Variants in MAD1L1 observed in about 807,000 individuals in gnomAD.
The protein encoded by MAD1L1 is mitotic spindle assembly checkpoint protein MAD1.
Under a neutral mutation model 96.9 loss-of-function variants are expected in MAD1L1, and 95 were observed. The ratio of observed to expected loss-of-function variants is 0.98; its 90% CI spans 0.83 to 1.16. The LOEUF (loss-of-function observed/expected upper bound fraction) is 1.16. Ranked by LOEUF, MAD1L1 falls within the 50% of genes most tolerant of loss-of-function variation. The pLI is 0.00. For missense variants in MAD1L1, 1,007 were observed against 954.4 expected (o/e 1.06, Z -0.73); for synonymous variants, 473 against 396.6 (o/e 1.19, Z -2.29).
chr7:1,902,595 G>A (rs911040192), intron 17 of MAD1L1, among the ~76,000 whole-genome samples: 5 of 152,250 alleles, frequency 3.3e-5, no homozygotes, highest in African/African-American at 1.2e-4. Context: ...GGCACTGCCT[G>A]TCCACTTCCG....
chr7:2,021,980 G>A (rs1029798329), intron 12 of MAD1L1, among the ~76,000 whole-genome samples: 6 of 151,666 alleles, frequency 4.0e-5, no homozygotes, highest in Non-Finnish European at 8.8e-5. Context: ...TTTCGAGACA[G>A]AGTCTCACTC....
intron 10 of MAD1L1, chr7:2,209,883 C>A (rs1196012050): frequency 6.6e-6 from 1 of 152,418 alleles, no homozygotes; most frequent in East Asian, 1.9e-4. Context: ...ACGCATGTCT[C>A]CACACAAGAA....
At chr7:2,165,312 G>T (rs1489215838) in intron 10 of MAD1L1, among the ~76,000 whole-genome samples, 1 of 152,244 alleles carries the variant, frequency 6.6e-6, no homozygotes, top group Non-Finnish European at 1.5e-5. Context: ...GGACTGGGGG[G>T]ACCCCGGGAA....
intron 17 of MAD1L1, among the ~76,000 whole-genome samples, chr7:1,931,056 C>A (rs554956897): frequency 1.3e-4 from 18 of 140,244 alleles, no homozygotes; most frequent in African/African-American, 4.6e-4. Flanking sequence ...CACGGGAACA[C>A]CCCCAACTCC....
At chr7:2,144,541 G>T (rs1361323671) in intron 11 of MAD1L1, among the ~76,000 whole-genome samples, 1 of 152,152 alleles carries the variant, frequency 6.6e-6, no homozygotes, top group Admixed American at 6.5e-5. Context: ...TTCCCCCCCA[G>T]ATCTGAAAGA....
At chr7:1,932,685 G>C (rs1789550298) in intron 17 of MAD1L1, among the ~76,000 whole-genome samples, 1 of 152,238 alleles carries the variant, frequency 6.6e-6, no homozygotes, top group South Asian at 2.1e-4. Flanking sequence ...ACACTGTGCG[G>C]GTCTATCCCC....
intron 15 of MAD1L1, among the ~76,000 whole-genome samples, chr7:1,966,883 C>T (rs540342903): frequency 2.0e-5 from 3 of 152,352 alleles, no homozygotes; most frequent in South Asian, 2.1e-4. Context: ...GGAATAAAGA[C>T]GGACCCACCC....
Position 2,151,381 on chromosome 7 carries a change from C to A in MAD1L1, c.987-2143G>T, listed in dbSNP as rs79107267. Among the ~76,000 whole-genome samples the A allele has an allele frequency of 9.5e-3, 1,444 of 152,328 alleles. 24 individuals carry two copies. The highest frequency in any genetic ancestry group is 0.033 in the African/African-American group (1,367 of 41,568). On this transcript the variant is annotated intron_variant, in intron 10 of 18. Transcript: ENST00000265854. ...TCCACCTACACAGCCAAGACCACCC[C>A]GCCTCACACCCCTCAGGGACCTCAC...
rs1333554187 is a variant in MAD1L1, at chr7:2,142,529, T to TA, written c.1073+6622dup. 1.3e-5 allele frequency among the ~76,000 whole-genome samples: 2 copies of TA among 152,192 alleles called. No individual in the cohort carries two copies. The highest frequency in any genetic ancestry group is 2.4e-5 in the African/African-American group (1 of 41,440). On this transcript the variant is annotated intron_variant, in intron 11 of 18. Transcript: ENST00000265854. This position sits in a 1 kb window ranked among gnomAD's most constrained non-coding sequence, Gnocchi z 4.7. ...TCTCTGCTGCCGGACGGAGCGCCCCTAGCTGCCACTGAGCCCACGGTGAAG... is the reference window on the plus strand; with the variant it reads ...TCTCTGCTGCCGGACGGAGCGCCCCTAAGCTGCCACTGAGCCCACGGTGAAG...
chr7:2,046,954 C>A (rs576314731), intron 12 of MAD1L1, among the ~76,000 whole-genome samples: 68 of 152,352 alleles, frequency 4.5e-4, no homozygotes, highest in African/African-American at 1.2e-3. Flanking sequence ...GCTGAGCGCA[C>A]CCACTCACAG....
chr7:1,928,747 G>C (rs1366609319), intron 17 of MAD1L1, among the ~76,000 whole-genome samples: 1 of 152,228 alleles, frequency 6.6e-6, no homozygotes, highest in Non-Finnish European at 1.5e-5. Context: ...GGTGGCACGG[G>C]GTGGGGGCAT....
At chr7:2,062,339 G>A (rs1354890567) in intron 12 of MAD1L1, among the ~76,000 whole-genome samples, 2 of 151,808 alleles carry the variant, frequency 1.3e-5, no homozygotes, top group Non-Finnish European at 2.9e-5. Flanking sequence ...GGGATTGGGA[G>A]GCCGAAGTAG....
At chr7:2,209,354 A>T (rs1461177563) in intron 10 of MAD1L1, among the ~76,000 whole-genome samples, 1 of 152,202 alleles carries the variant, frequency 6.6e-6, no homozygotes, top group Non-Finnish European at 1.5e-5. Flanking sequence ...GCAGGACGTC[A>T]GCACCCTGTC....
At position 2,123,882 on chromosome 7, in the gene MAD1L1, G is replaced by A. The variant is rs544643392; in HGVS notation, c.1073+25270C>T. Among the ~76,000 whole-genome samples the A allele has an allele frequency of 7.2e-5, 11 of 152,326 alleles. No homozygotes were observed. The South Asian group carries it at 1.0e-3, about 14-fold the overall frequency. On this transcript the variant is annotated intron_variant, in intron 11 of 18. Coordinates refer to ENST00000265854, the MANE Select transcript of MAD1L1 (RefSeq NM_001013836.2). ...TGCCAATTAGCCAGCGCCCTTTTCC[G>A]CTCTGGCAAGGGCTTTTTAGCTTCT...
intron 18 of MAD1L1, among the ~76,000 whole-genome samples, chr7:1,826,397 C>T (rs1198718169): frequency 6.6e-6 from 1 of 152,182 alleles, no homozygotes; most frequent in East Asian, 1.9e-4. Flanking sequence ...CCTGACTCCC[C>T]CGCTCATGGC....
intron 18 of MAD1L1, chr7:1,854,320 GC>G (rs1447692366): frequency 2.2e-5 from 10 of 459,904 alleles, no homozygotes; most frequent in Admixed American, 7.0e-5. Flanking sequence ...GACGTCCTGG[GC>G]CCCGGCAGCT....
intron 12 of MAD1L1, among the ~76,000 whole-genome samples, chr7:2,031,193 C>A (rs374938453): frequency 6.6e-6 from 1 of 152,190 alleles, no homozygotes; most frequent in Non-Finnish European, 1.5e-5. Flanking sequence ...TCCTCTCCCA[C>A]TACTCACCCC....
chr7:2,025,705 T>C (rs537978366), intron 12 of MAD1L1, among the ~76,000 whole-genome samples: 16 of 152,372 alleles, frequency 1.1e-4, no homozygotes, highest in Non-Finnish European at 1.9e-4. Context: ...TAAAGTACTT[T>C]ATAGCAATAG....
chr7:2,083,452 C>G (rs1785753969), intron 11 of MAD1L1, among the ~76,000 whole-genome samples: 1 of 152,242 alleles, frequency 6.6e-6, no homozygotes, highest in Non-Finnish European at 1.5e-5. Context: ...CACTTCTTGG[C>G]TTACACAGCA....
Sources: allele counts gnomAD v4.1 joint callset (sites outside exome capture counted in the v4.1 genomes callset), GRCh38; gene constraint gnomAD v4.1.1; non-coding constraint Gnocchi (gnomAD v3.1); transcripts MANE v1.5; gene names NCBI Gene and HGNC (gene_info 2026-07-23, HGNC 2026-07-21).